HACE1: variants seen among roughly 807,000 people sequenced by gnomAD.
The protein encoded by HACE1 is HECT domain and ankyrin repeat containing E3 ubiquitin protein ligase 1.
A neutral mutation model predicts 118.4 loss-of-function variants in HACE1; 73 were observed. The observed-to-expected ratio is 0.62, with a 90% confidence interval of 0.51 to 0.75. HACE1 has a LOEUF of 0.75. HACE1 is among the 30% of genes least tolerant of loss of function. HACE1 has a pLI of 0.00. For missense variants in HACE1, 749 were observed against 1,102.2 expected, an observed-to-expected ratio of 0.68 and a Z score of 4.54; for synonymous variants, 368 against 374.8, an observed-to-expected ratio of 0.98 and a Z score of 0.21.
At chr6:104,816,875 G>A (rs1772174231) in intron 6 of HACE1, among the ~76,000 whole-genome samples, 1 of 152,188 alleles carries the variant, frequency 6.6e-6, no homozygotes, top group South Asian at 2.1e-4. Context: ...GTGTGCCCTG[G>A]ATATGAGACA....
At chr6:104,802,136 G>C (rs192265312) in intron 7 of HACE1, among the ~76,000 whole-genome samples, 56 of 151,906 alleles carry the variant, frequency 3.7e-4, no homozygotes, top group Admixed American at 3.7e-3. Flanking sequence ...TTACATAATG[G>C]TAAAGGAATC....
intron 6 of HACE1, among the ~76,000 whole-genome samples, chr6:104,825,998 T>C (rs749318198): frequency 6.6e-6 from 1 of 152,152 alleles, no homozygotes; most frequent in Non-Finnish European, 1.5e-5. Flanking sequence ...GGCAGGCAAG[T>C]GAACATCACT....
chr6:104,825,806 C>T (rs566857670), intron 6 of HACE1, among the ~76,000 whole-genome samples: 1 of 152,330 alleles, frequency 6.6e-6, no homozygotes, highest in African/African-American at 2.4e-5. Flanking sequence ...TTTGCTGCTT[C>T]ATTACTTGTT....
intron 19 of HACE1, among the ~76,000 whole-genome samples, chr6:104,766,136 T>C (rs144925715): frequency 5.2e-4 from 79 of 152,246 alleles, no homozygotes; most frequent in African/African-American, 1.9e-3. Flanking sequence ...CAAATGCACA[T>C]CGGCCTTGGC....
At chr6:104,755,554 A>G (rs1384620905) in intron 19 of HACE1, among the ~76,000 whole-genome samples, 2 of 152,242 alleles carry the variant, frequency 1.3e-5, no homozygotes, top group Non-Finnish European at 2.9e-5. Context: ...GGCAAATGCA[A>G]AAGAAATGAA....
chr6:104,837,637 T>C (rs976048519), intron 5 of HACE1, among the ~76,000 whole-genome samples: 6 of 152,188 alleles, frequency 3.9e-5, no homozygotes, highest in Non-Finnish European at 8.8e-5. Context: ...ACTGATCAAT[T>C]TGACTTCAAA....
At chr6:104,730,683 T>C (rs995410071) in intron 22 of HACE1, 1 of 413,706 alleles carries the variant, frequency 2.4e-6, no homozygotes, top group Non-Finnish European at 4.5e-6. Flanking sequence ...GCATTTAGTA[T>C]GCTACATTTA....
chr6:104,762,135 G>A (rs576119211), intron 19 of HACE1, among the ~76,000 whole-genome samples: 2 of 152,322 alleles, frequency 1.3e-5, no homozygotes, highest in African/African-American at 2.4e-5. Context: ...GTGGAAGACA[G>A]TGTGGCGATT....
chr6:104,791,925 GT>G (rs1383275100), intron 10 of HACE1, among the ~76,000 whole-genome samples: 3 of 152,084 alleles, frequency 2.0e-5, no homozygotes, highest in African/African-American at 7.2e-5. Flanking sequence ...CTTTAGAATA[GT>G]TGGTTTCTTG....
chr6:104,769,140 T>A (rs986619842), intron 19 of HACE1, among the ~76,000 whole-genome samples: 2 of 152,038 alleles, frequency 1.3e-5, no homozygotes, highest in Non-Finnish European at 2.9e-5. Context: ...GCTCAAGTGA[T>A]CCTCCCACCT....
At chr6:104,756,944 A>G (rs1778769047) in intron 19 of HACE1, among the ~76,000 whole-genome samples, 1 of 152,226 alleles carries the variant, frequency 6.6e-6, no homozygotes. Flanking sequence ...GCTTGCTGCC[A>G]GCACAGGAGT....
chr6:104,773,242 G>A (rs534453539), intron 17 of HACE1, among the ~76,000 whole-genome samples: 12 of 151,992 alleles, frequency 7.9e-5, no homozygotes, highest in African/African-American at 2.2e-4. Context: ...AAGAAACAAC[G>A]GATAAACCTA....
At position 104,859,878 on chromosome 6, in the gene HACE1, A is replaced by G. The variant is rs1370538378; in HGVS notation, c.-236T>C. 4.1e-6 allele frequency: 2 copies of G among 485,076 alleles called. No homozygotes were observed. The allele number at this position is 485,076 out of a possible 1,614,324, so 30.0% of individuals were successfully genotyped here. On this transcript the variant is annotated 5_prime_UTR_variant, in exon 1 of 24. Transcript: ENST00000262903. The stretch of plus-strand genomic sequence containing the variant: ...CCGCCTCTGCTCGCGCCTTTCCTGC[A>G]GCCCCCGCCGCCGCGTCCCTCCCGG...
At chr6:104,737,778 A>C (rs1017314198) in intron 22 of HACE1, among the ~76,000 whole-genome samples, 21 of 152,330 alleles carry the variant, frequency 1.4e-4, no homozygotes, top group African/African-American at 2.4e-4. Context: ...TCCAGGCTTG[A>C]TTAGGTAAAC....
chr6:104,757,002 A>C (rs1178043325), intron 19 of HACE1, among the ~76,000 whole-genome samples: 1 of 152,170 alleles, frequency 6.6e-6, no homozygotes, highest in Non-Finnish European at 1.5e-5. Flanking sequence ...AGGGGCGTCC[A>C]CCATTGCTGA....
At chr6:104,854,297 C>T (rs577446213) in intron 1 of HACE1, among the ~76,000 whole-genome samples, 15 of 152,142 alleles carry the variant, frequency 9.9e-5, no homozygotes, top group Admixed American at 4.6e-4. Context: ...GAATTGGATC[C>T]GTAAATGACA....
intron 5 of HACE1, among the ~76,000 whole-genome samples, chr6:104,837,610 G>A (rs1774672487): frequency 6.6e-6 from 1 of 152,110 alleles, no homozygotes; most frequent in Admixed American, 6.5e-5. Flanking sequence ...CCAAAAGCAT[G>A]ATCCATAATG....
chr6:104,806,256 G>A (rs934818311), intron 7 of HACE1, among the ~76,000 whole-genome samples: 5 of 152,114 alleles, frequency 3.3e-5, no homozygotes, highest in South Asian at 2.1e-4. Context: ...GAGGCCAGGC[G>A]TTGAAGACCC....
At chr6:104,849,471 G>A (rs556263706) in intron 3 of HACE1, among the ~76,000 whole-genome samples, 2 of 151,642 alleles carry the variant, frequency 1.3e-5, no homozygotes, top group African/African-American at 4.8e-5. Flanking sequence ...CAAGTAGCTG[G>A]GACTTACAGG....
Sources: allele counts gnomAD v4.1 joint callset (sites outside exome capture counted in the v4.1 genomes callset), GRCh38; gene constraint gnomAD v4.1.1; transcripts MANE v1.5; gene names NCBI Gene and HGNC (gene_info 2026-07-23, HGNC 2026-07-21).